Variants in ARHGAP32 observed in about 807,000 individuals in gnomAD.
ARHGAP32 encodes the protein rho GTPase-activating protein 32.
Under a neutral mutation model 186.5 loss-of-function variants are expected in ARHGAP32, and 51 were observed. That is an observed-to-expected ratio of 0.27 (90% CI 0.22 to 0.35). ARHGAP32 has a LOEUF of 0.35. Ranked by LOEUF, ARHGAP32 falls within the 10% of genes least tolerant of loss-of-function variation. The probability of loss-of-function intolerance (pLI) is 1.00; values close to 1 mark genes in which losing one functional copy is unlikely to be tolerated. For synonymous variants in ARHGAP32, 950 were observed against 964.3 expected (o/e 0.99, Z 0.27); for missense variants, 2,186 against 2,623.5 (o/e 0.83, Z 3.64).
intron 11 of ARHGAP32, among the ~76,000 whole-genome samples, chr11:129,002,086 T>C (rs1027856511): frequency 2.6e-5 from 4 of 152,050 alleles, no homozygotes; most frequent in Non-Finnish European, 5.9e-5. Context: ...TGGCTATTAT[T>C]TAGTTCCATA....
At chr11:129,108,401 T>C (rs564515718) in intron 5 of ARHGAP32, among the ~76,000 whole-genome samples, 2 of 152,116 alleles carry the variant, frequency 1.3e-5, no homozygotes, top group Non-Finnish European at 2.9e-5. Flanking sequence ...CATTATATAT[T>C]GATGAAATGA....
intron 11 of ARHGAP32, among the ~76,000 whole-genome samples, chr11:129,003,916 T>C (rs1208590627): frequency 2.0e-5 from 3 of 152,142 alleles, no homozygotes; most frequent in Non-Finnish European, 4.4e-5. Context: ...CTTCTACTAA[T>C]TTGGGTTTGG....
At position 128,988,025 on chromosome 11, in the gene ARHGAP32, T is replaced by C. The variant is rs769952497; in HGVS notation, c.1296A>G (p.Leu432=). ...LSGVASNIQR[L]RHEFDSEHVP... is the part of the protein sequence containing the mutation. ...AAAAGTGCCATATAAGATTTTACCGTAGTCTCTGGATATTGGAGGCAACAC... is the reference window on the plus strand; with the variant it reads ...AAAAGTGCCATATAAGATTTTACCGCAGTCTCTGGATATTGGAGGCAACAC... The change falls in exon 13 of 23, where the codon CTA becomes CTG. Residue 432 remains leucine (L), a splice_region_variant and synonymous_variant. Transcript: ENST00000682385. 5.6e-6 allele frequency: 9 copies of C among 1,609,062 alleles called. No individual in the cohort carries two copies. In the Admixed American group the frequency reaches 1.0e-4, roughly 18 times the overall value.
intron 6 of ARHGAP32, among the ~76,000 whole-genome samples, chr11:129,084,392 A>G (rs1228708529): frequency 1.3e-5 from 2 of 152,018 alleles, no homozygotes; most frequent in African/African-American, 4.8e-5. Context: ...ATGAACATAC[A>G]TGCAAAAATC....
chr11:129,165,661 T>C (rs1303378277), intron 1 of ARHGAP32, among the ~76,000 whole-genome samples: 1 of 151,088 alleles, frequency 6.6e-6, no homozygotes, highest in Middle Eastern at 3.2e-3. Flanking sequence ...ATTCAGATCT[T>C]AGCATTATCA....
In ARHGAP32 at chr11:129,111,944, T is replaced by C. The variant is rs905471179; in HGVS notation, c.444+11502A>G. 5.3e-5 allele frequency among the ~76,000 whole-genome samples: 8 copies of C among 152,070 alleles called. No individual in the cohort carries two copies. The East Asian group carries it at 1.6e-3, about 30-fold the overall frequency. ...GCCTGGCTAATGTTTGTATTTTTAG[T>C]AGAGATGGGGTTTCACCAGGTTGGC... On this transcript the variant is annotated intron_variant, in intron 5 of 22. Coordinates refer to ENST00000682385, the MANE Select transcript of ARHGAP32 (RefSeq NM_001378024.1).
intron 1 of ARHGAP32, among the ~76,000 whole-genome samples, chr11:129,275,646 C>T (rs1945521058): frequency 6.6e-6 from 1 of 152,152 alleles, no homozygotes; most frequent in Non-Finnish European, 1.5e-5. Flanking sequence ...CTCTGCAGGC[C>T]GAGCTATGAA....
intron 1 of ARHGAP32, among the ~76,000 whole-genome samples, chr11:129,237,961 T>C (rs1264187261): frequency 6.6e-6 from 1 of 151,912 alleles, no homozygotes; most frequent in Non-Finnish European, 1.5e-5. Flanking sequence ...GCAATAGAAG[T>C]AGTGAGAAGT....
At chr11:129,006,112 T>A (rs1937753695) in intron 11 of ARHGAP32, among the ~76,000 whole-genome samples, 3 of 152,222 alleles carry the variant, frequency 2.0e-5, no homozygotes, top group African/African-American at 7.2e-5. Flanking sequence ...ACATATCTGA[T>A]AGAATTCTGA....
At chr11:129,012,174 T>C (rs535654086) in intron 11 of ARHGAP32, among the ~76,000 whole-genome samples, 2 of 152,326 alleles carry the variant, frequency 1.3e-5, no homozygotes, top group South Asian at 4.1e-4. Context: ...AAAAAACTCC[T>C]GCAAAGTAAT....
chr11:129,262,641 C>A (rs144575412), intron 1 of ARHGAP32, among the ~76,000 whole-genome samples: 3 of 152,266 alleles, frequency 2.0e-5, no homozygotes, highest in African/African-American at 7.2e-5. Context: ...CAGTGATCTG[C>A]CTGCCTTGGC....
At chr11:129,092,805 T>G (rs1941615801) in intron 6 of ARHGAP32, among the ~76,000 whole-genome samples, 1 of 151,998 alleles carries the variant, frequency 6.6e-6, no homozygotes, top group Non-Finnish European at 1.5e-5. Flanking sequence ...AAAATATAAA[T>G]GCCCATATCT....
At chr11:129,201,159 G>A (rs1349812575) in intron 1 of ARHGAP32, among the ~76,000 whole-genome samples, 1 of 152,024 alleles carries the variant, frequency 6.6e-6, no homozygotes, top group African/African-American at 2.4e-5. Context: ...TGTTAATAAG[G>A]GATATTAAGT....
intron 1 of ARHGAP32, among the ~76,000 whole-genome samples, chr11:129,239,037 A>G (rs1183163110): frequency 1.3e-5 from 2 of 151,964 alleles, no homozygotes; most frequent in South Asian, 2.1e-4. Flanking sequence ...ATTTATACAG[A>G]CGACGTTTCA....
intron 1 of ARHGAP32, among the ~76,000 whole-genome samples, chr11:129,205,581 C>T (rs1944505557): frequency 6.6e-6 from 1 of 152,092 alleles, no homozygotes; most frequent in Admixed American, 6.6e-5. Flanking sequence ...AGATCAATTT[C>T]CTCTTCTGAA....
rs922836053 is a variant in ARHGAP32 at position 129,116,857 on chromosome 11, T to C, written c.444+6589A>G. 2.6e-5 allele frequency among the ~76,000 whole-genome samples: 4 copies of C among 151,978 alleles called. No individual in the cohort carries two copies. In the South Asian group the frequency reaches 8.3e-4, roughly 31 times the overall value. On this transcript the variant is annotated intron_variant, in intron 5 of 22. Transcript: ENST00000682385. Reference sequence around the variant, plus strand: ...ATTTGACTTTACCTAAGTGCTTCCCTAGAACTTCTGCCTTTCTCTAAAGCC... The same window carrying C: ...ATTTGACTTTACCTAAGTGCTTCCCCAGAACTTCTGCCTTTCTCTAAAGCC...
intron 1 of ARHGAP32, among the ~76,000 whole-genome samples, chr11:129,174,362 G>A (rs1400957541): frequency 1.3e-5 from 2 of 152,164 alleles, no homozygotes. Context: ...GCAAGGCTCG[G>A]GGAGGGGCGC....
chr11:129,036,476 C>T (rs941170722), intron 11 of ARHGAP32, among the ~76,000 whole-genome samples: 3 of 150,500 alleles, frequency 2.0e-5, no homozygotes, highest in East Asian at 1.9e-4. Context: ...TTTTAAAAAC[C>T]CAATTTATAG....
rs763390598 is a variant in ARHGAP32, at chr11:128,986,677, G to C, written c.1299-9C>G. 3.1e-6 allele frequency: 5 copies of C among 1,612,712 alleles called. No homozygotes were observed. In the Admixed American group the frequency reaches 8.4e-5, roughly 27 times the overall value. ...CAGAGTCAAATTCATGGCTGACGTA[G>C]ACAGAAGAGGACAAGCAAATCATTT... On this transcript the variant is annotated splice_polypyrimidine_tract_variant and intron_variant, in intron 13 of 22. Transcript: ENST00000682385.
Sources: gnomAD v4.1 joint callset for allele counts (sites outside exome capture counted in the v4.1 genomes callset) on GRCh38, gnomAD v4.1.1 for gene constraint, MANE v1.5 for transcripts, NCBI Gene and HGNC (gene_info 2026-07-23, HGNC 2026-07-21) for gene names.